EYA2: variants seen among roughly 807,000 people sequenced by gnomAD.
The protein encoded by EYA2 is protein phosphatase EYA2.
In EYA2, 31 loss-of-function variants were observed where a neutral mutation model predicts 69.2. That is an observed-to-expected ratio of 0.45 (90% CI 0.34 to 0.60). The LOEUF (loss-of-function observed/expected upper bound fraction) is 0.60. Ranked by LOEUF, EYA2 falls within the 20% of genes least tolerant of loss-of-function variation. The pLI, the probability that EYA2 is intolerant of heterozygous loss-of-function variation, is 0.02. For synonymous variants in EYA2, 257 were observed against 279.4 expected, an observed-to-expected ratio of 0.92 and a Z score of 0.80; for missense variants, 622 against 701.2, an observed-to-expected ratio of 0.89 and a Z score of 1.28.
intron 9 of EYA2, among the ~76,000 whole-genome samples, chr20:47,135,833 A>G (rs1267160055): frequency 1.2e-5 from 1 of 82,816 alleles, no homozygotes; most frequent in African/African-American, 7.7e-5. Context: ...AAAAAAAAAA[A>G]AAAAAAAACA....
chr20:47,080,315 A>C (rs1260041848), intron 7 of EYA2, among the ~76,000 whole-genome samples: 1 of 151,888 alleles, frequency 6.6e-6, no homozygotes, highest in Non-Finnish European at 1.5e-5. Flanking sequence ...AAATATATCA[A>C]AATTTATGGA....
chr20:47,035,592 G>A (rs1984657601), intron 5 of EYA2, among the ~76,000 whole-genome samples: 1 of 152,182 alleles, frequency 6.6e-6, no homozygotes, highest in African/African-American at 2.4e-5. Context: ...GGGACCCTGA[G>A]GCAGTGACGC....
chr20:46,999,304 T>A (rs929810472), intron 2 of EYA2, among the ~76,000 whole-genome samples: 5 of 152,170 alleles, frequency 3.3e-5, no homozygotes, highest in African/African-American at 1.2e-4. Context: ...GACAGTTCAT[T>A]CTTGAGCCCT....
At chr20:47,000,178 A>G (rs1982273837) in intron 2 of EYA2, among the ~76,000 whole-genome samples, 4 of 152,252 alleles carry the variant, frequency 2.6e-5, no homozygotes, top group African/African-American at 4.8e-5. Context: ...TGAGGATTAA[A>G]ATAATTAATC....
At chr20:47,084,000 C>G (rs2146495219) in intron 7 of EYA2, among the ~76,000 whole-genome samples, 1 of 152,272 alleles carries the variant, frequency 6.6e-6, no homozygotes, top group Middle Eastern at 3.4e-3. Context: ...AATCCCAGCA[C>G]TTTGGGAGGC....
intron 1 of EYA2, among the ~76,000 whole-genome samples, chr20:46,960,074 G>A (rs1473366271): frequency 6.6e-6 from 1 of 152,254 alleles, no homozygotes; most frequent in East Asian, 1.9e-4. Context: ...CTGGCAGCCA[G>A]AGCTCAGGGC....
chr20:47,072,930 G>A (rs975745086), intron 6 of EYA2, among the ~76,000 whole-genome samples: 32 of 152,128 alleles, frequency 2.1e-4, no homozygotes, highest in African/African-American at 7.2e-4. Flanking sequence ...TGAGGAATAC[G>A]CAATTTCTTT....
intron 1 of EYA2, among the ~76,000 whole-genome samples, chr20:46,975,670 T>C (rs1257457960): frequency 6.6e-6 from 1 of 151,662 alleles, no homozygotes; most frequent in Non-Finnish European, 1.5e-5. Context: ...ATCCTAGCAC[T>C]TTGGGAGGCT....
At chr20:47,062,400 G>C (rs539252506) in intron 5 of EYA2, among the ~76,000 whole-genome samples, 2 of 152,320 alleles carry the variant, frequency 1.3e-5, no homozygotes, top group Admixed American at 6.5e-5. Flanking sequence ...GGCTGAGTTC[G>C]CAGGGAGGTC....
In EYA2 at chr20:47,129,978, AGCAGTTGT is replaced by A. The variant is rs148301497; in HGVS notation, c.889-13078_889-13071del. On this transcript the variant is annotated intron_variant, in intron 9 of 15. Transcript: ENST00000327619. Reference sequence around the variant, plus strand: ...AGTGCTAGAGCCCTCAGGTCAGGGGAGCAGTTGTGCCCCCCACCCCAGTCACATGCATG... The same window carrying A: ...AGTGCTAGAGCCCTCAGGTCAGGGGAGCCCCCCACCCCAGTCACATGCATG... Among the ~76,000 whole-genome samples, 1,169 of 152,080 alleles carry A rather than the reference AGCAGTTGT, an allele frequency of 7.7e-3. 12 individuals carry two copies. The highest frequency in any genetic ancestry group is 0.027 in the African/African-American group (1,108 of 41,428).
intron 1 of EYA2, among the ~76,000 whole-genome samples, chr20:46,967,213 G>T (rs2146295014): frequency 6.6e-6 from 1 of 152,314 alleles, no homozygotes; most frequent in Middle Eastern, 3.4e-3. Flanking sequence ...TGTTGGTCAG[G>T]CTGGTCTCGA....
chr20:47,092,678 A>G (rs2032121192), intron 8 of EYA2, among the ~76,000 whole-genome samples: 1 of 152,212 alleles, frequency 6.6e-6, no homozygotes, highest in Non-Finnish European at 1.5e-5. Flanking sequence ...CATAGAAGTC[A>G]GGGATTATAG....
chr20:46,897,948 A>G (rs1190601134), intron 1 of EYA2, among the ~76,000 whole-genome samples: 1 of 152,008 alleles, frequency 6.6e-6, no homozygotes, highest in African/African-American at 2.4e-5. Context: ...GTGTGTGCAA[A>G]GGCTTGGGGA....
chr20:47,097,262 G>A lies in EYA2; in HGVS notation c.888+94G>A. ...GGAAATTGTGCGGACAGTTTATGAG[G>A]CAGCTTCTCCAACAAAAGCTGCCCT... is the stretch of plus-strand genomic sequence containing the variant. On this transcript the variant is annotated intron_variant, in intron 9 of 15. Coordinates refer to ENST00000327619, the MANE Select transcript of EYA2 (RefSeq NM_005244.5). 3.1e-6 allele frequency: 3 copies of A among 956,854 alleles called. 1 individual carries two copies. In the South Asian group the frequency reaches 4.8e-5, roughly 15 times the overall value. 59.3% of individuals were successfully genotyped at this position (956,854 alleles called of 1,614,324 possible).
intron 10 of EYA2, among the ~76,000 whole-genome samples, chr20:47,146,530 C>T (rs2033703184): frequency 1.3e-5 from 2 of 152,140 alleles, no homozygotes; most frequent in Non-Finnish European, 2.9e-5. Context: ...TCGAAAATGT[C>T]CCAGTGCCAG....
In EYA2 at chr20:47,180,953, C is replaced by T; in HGVS notation, c.1435+17C>T. 1.2e-6 allele frequency: 2 copies of T among 1,612,182 alleles called. No individual in the cohort carries two copies. The highest frequency in any genetic ancestry group is 1.7e-6 in the Non-Finnish European group (2 of 1,179,090). On this transcript the variant is annotated intron_variant, in intron 14 of 15. Transcript: ENST00000327619. ...CCAAGACAGGTAGGGAGAAGCCACA[C>T]CTCGGCGGGGATACAGGGTTGGAGG... is the stretch of plus-strand genomic sequence containing the variant.
At chr20:47,037,180 A>G (rs1035806070) in intron 5 of EYA2, among the ~76,000 whole-genome samples, 3 of 152,166 alleles carry the variant, frequency 2.0e-5, no homozygotes, top group Non-Finnish European at 4.4e-5. Flanking sequence ...TGAGAACAGT[A>G]TGGGGGAAAC....
chr20:47,001,325 C>T, intron 2 of EYA2, 103 bp from the exon 3 acceptor site: 1 of 949,364 alleles, frequency 1.1e-6, no homozygotes, highest in East Asian at 2.4e-5. Flanking sequence ...CGGGCAGCAC[C>T]CCTCCAAGTC....
At chr20:46,972,059 G>A (rs1478423431) in intron 1 of EYA2, among the ~76,000 whole-genome samples, 1 of 152,220 alleles carries the variant, frequency 6.6e-6, no homozygotes, top group African/African-American at 2.4e-5. Flanking sequence ...GGGTGATTAG[G>A]GGGATGTAGG....
Sources: allele counts gnomAD v4.1 joint callset (sites outside exome capture counted in the v4.1 genomes callset), GRCh38; gene constraint gnomAD v4.1.1; transcripts MANE v1.5; gene names NCBI Gene and HGNC (gene_info 2026-07-23, HGNC 2026-07-21).